MYO1B: variants seen among roughly 807,000 people sequenced by gnomAD.
The protein encoded by MYO1B is unconventional myosin-Ib.
MYO1B carries 72 observed loss-of-function variants against 159.7 expected under a neutral mutation model. The ratio of observed to expected loss-of-function variants is 0.45; its 90% CI spans 0.37 to 0.55. The LOEUF (loss-of-function observed/expected upper bound fraction) is 0.55. Among genes scored for constraint, MYO1B ranks in the 20% least tolerant of loss-of-function variants. The pLI is 0.00. For missense variants in MYO1B, 1,062 were observed against 1,364.8 expected, an observed-to-expected ratio of 0.78 and a Z score of 3.50; for synonymous variants, 468 against 473.8, an observed-to-expected ratio of 0.99 and a Z score of 0.16.
At chr2:191,324,944 G>A (rs1382602333) in intron 3 of MYO1B, among the ~76,000 whole-genome samples, 2 of 152,100 alleles carry the variant, frequency 1.3e-5, no homozygotes, top group African/African-American at 4.8e-5. Flanking sequence ...AAGAATATGA[G>A]ACAATTATAG....
At chr2:191,309,521 T>G (rs532122863) in intron 3 of MYO1B, among the ~76,000 whole-genome samples, 1 of 152,330 alleles carries the variant, frequency 6.6e-6, no homozygotes, top group South Asian at 2.1e-4. Flanking sequence ...TTGTTTTTCT[T>G]TGCTGCTCAC....
Position 191,423,923 on chromosome 2 carries a change from G to A in MYO1B, c.3374G>A (p.Arg1125Gln), listed in dbSNP as rs766403785. Residue 1125 changes from arginine (R) to glutamine (Q), a missense_variant, in exon 31 of 31, where the codon CGA becomes CAA. Physicochemically the swap from Arg to Gln is conservative, Grantham distance 43 (BLOSUM62 1). This residue lies in a region of MYO1B where 609 missense variants were observed against 744.4 expected (regional missense o/e 0.82). Coordinates refer to ENST00000392318, the MANE Select transcript of MYO1B (RefSeq NM_001130158.3). ...AATGGGAGTGTCCCAACATGTAAAC[G>A]AAAAAACAACCGTCTCCTTGAAGTT... ...QKNGSVPTCK[R>Q]KNNRLLEVAV... is the part of the protein sequence containing the mutation. 3.1e-6 allele frequency: 5 copies of A among 1,613,502 alleles called. No homozygotes were observed. Among genetic ancestry groups the A allele is most frequent in the African/African-American group, 1.3e-5 (1 of 74,860 alleles).
intron 27 of MYO1B, among the ~76,000 whole-genome samples, chr2:191,411,999 G>A (rs1697277676): frequency 6.6e-6 from 1 of 152,224 alleles, no homozygotes; most frequent in Non-Finnish European, 1.5e-5. Context: ...CGTAAATTAT[G>A]TTTATATTCT....
chr2:191,259,884 G>C (rs1183596254), intron 1 of MYO1B, among the ~76,000 whole-genome samples: 1 of 152,130 alleles, frequency 6.6e-6, no homozygotes, highest in Non-Finnish European at 1.5e-5. Context: ...GGCAGTGAGG[G>C]AGCTTCAGGG....
intron 2 of MYO1B, among the ~76,000 whole-genome samples, chr2:191,282,242 A>G (rs1012652855): frequency 1.6e-4 from 25 of 152,202 alleles, no homozygotes; most frequent in African/African-American, 5.3e-4. Context: ...TAACATACGT[A>G]TATTATCTTG....
At chr2:191,309,146 G>A (rs1399359454) in intron 3 of MYO1B, among the ~76,000 whole-genome samples, 2 of 152,150 alleles carry the variant, frequency 1.3e-5, no homozygotes, top group Admixed American at 1.3e-4. Flanking sequence ...TGGATAAGGG[G>A]CATCTCACAC....
chr2:191,372,933 C>G (rs1694462453), intron 13 of MYO1B, among the ~76,000 whole-genome samples: 1 of 114,896 alleles, frequency 8.7e-6, no homozygotes, highest in Non-Finnish European at 1.6e-5. Flanking sequence ...TGTCTCCAGG[C>G]TGGAGTGCAG....
intron 3 of MYO1B, among the ~76,000 whole-genome samples, chr2:191,324,326 T>C (rs1690918528): frequency 6.6e-6 from 1 of 152,136 alleles, no homozygotes; most frequent in Non-Finnish European, 1.5e-5. Context: ...TTGTTTTTTG[T>C]TTCCCTATTC....
intron 3 of MYO1B, 130 bp downstream of exon 3, chr2:191,296,356 A>G: frequency 5.4e-6 from 2 of 373,114 alleles, no homozygotes; most frequent in Non-Finnish European, 9.3e-6. Flanking sequence ...GTTTGATAAA[A>G]GTATGAAGAC....
chr2:191,402,836 C>T (rs938313527), intron 24 of MYO1B, 118 bp downstream of exon 24: 30 of 705,654 alleles, frequency 4.3e-5, no homozygotes, highest in African/African-American at 9.1e-5. Flanking sequence ...TGTAGAATGT[C>T]ATCTTGCTTA....
At chr2:191,410,920 GA>G in intron 26 of MYO1B, 145 bp from the exon 27 acceptor site, 2 of 547,318 alleles carry the variant, frequency 3.7e-6, no homozygotes, top group Non-Finnish European at 3.2e-6. Context: ...ACCCACAAGG[GA>G]AAAATGTTTT....
chr2:191,398,553 G>A (rs1455072895), intron 21 of MYO1B, among the ~76,000 whole-genome samples: 1 of 150,988 alleles, frequency 6.6e-6, no homozygotes, highest in Non-Finnish European at 1.5e-5. Context: ...TTCTCAGACG[G>A]GGCGGCCGGG....
At chr2:191,396,628 A>G (rs1375938976) in intron 21 of MYO1B, 131 bp downstream of exon 21, 3 of 844,168 alleles carry the variant, frequency 3.6e-6, no homozygotes, top group Non-Finnish European at 5.7e-6. Context: ...AGTCAGATGG[A>G]AAGAATAAAT....
chr2:191,356,320 CAT>C (rs1253755924), intron 7 of MYO1B, among the ~76,000 whole-genome samples: 1 of 145,940 alleles, frequency 6.9e-6, no homozygotes, highest in Non-Finnish European at 1.5e-5. Flanking sequence ...ATTTATAATA[CAT>C]ACAAGGCTGG....
intron 2 of MYO1B, among the ~76,000 whole-genome samples, chr2:191,277,465 G>A (rs558202378): frequency 1.1e-3 from 165 of 152,312 alleles, no homozygotes; most frequent in Non-Finnish European, 1.7e-3. Flanking sequence ...GACAGGAGCA[G>A]ATTATCAGAT....
chr2:191,255,856 T>C (rs1281947961), intron 1 of MYO1B, among the ~76,000 whole-genome samples: 2 of 152,130 alleles, frequency 1.3e-5, no homozygotes, highest in East Asian at 3.9e-4. Context: ...AGCGTCCTGC[T>C]CAGCAATTTT....
At chr2:191,246,280 A>T (rs1036685005) in intron 1 of MYO1B, 3 of 152,396 alleles carry the variant, frequency 2.0e-5, no homozygotes, top group African/African-American at 7.2e-5. Flanking sequence ...TGGAAACCAG[A>T]TTAGAGACGG....
intron 1 of MYO1B, among the ~76,000 whole-genome samples, chr2:191,273,066 A>G (rs1687550413): frequency 6.6e-6 from 1 of 152,194 alleles, no homozygotes; most frequent in East Asian, 1.9e-4. Flanking sequence ...TTTGATCCAG[A>G]GGTTTGGGAT....
chr2:191,402,468 C>T, intron 23 of MYO1B, 164 bp from the exon 24 acceptor site: 1 of 645,824 alleles, frequency 1.5e-6, no homozygotes, highest in Non-Finnish European at 2.8e-6. Context: ...GCTGCACCAG[C>T]CTGACACCAA....
Sources: allele counts gnomAD v4.1 joint callset (sites outside exome capture counted in the v4.1 genomes callset), GRCh38; gene constraint gnomAD v4.1.1; regional missense constraint gnomAD v4.1.1; transcripts MANE v1.5; gene names NCBI Gene and HGNC (gene_info 2026-07-23, HGNC 2026-07-21).